Variants in FILIP1 observed in about 807,000 individuals in gnomAD.
FILIP1 encodes filamin A interacting protein 1.
In FILIP1, 61 loss-of-function variants were observed where a neutral mutation model predicts 102.1. The ratio of observed to expected loss-of-function variants is 0.60; its 90% confidence interval spans 0.49 to 0.74. The LOEUF (loss-of-function observed/expected upper bound fraction) is 0.74. Ranked by LOEUF, FILIP1 falls within the 30% of genes least tolerant of loss-of-function variation. The probability of loss-of-function intolerance (pLI) is 0.00; values close to 1 mark genes in which losing one functional copy is unlikely to be tolerated. For missense variants in FILIP1, 1,314 were observed against 1,441.2 expected, an observed-to-expected ratio of 0.91 and a Z score of 1.43; for synonymous variants, 491 against 526.9, an observed-to-expected ratio of 0.93 and a Z score of 0.93.
downstream of FILIP1, among the ~76,000 whole-genome samples, chr6:75,305,700 T>A (rs1339271246): frequency 6.6e-6 from 1 of 152,154 alleles, no homozygotes; most frequent in Non-Finnish European, 1.5e-5. Context: ...GCTGAAATAG[T>A]CAGCACATTA....
At chr6:75,297,918 C>T (rs932094128) in intron 6 of FILIP1, among the ~76,000 whole-genome samples, 5 of 152,184 alleles carry the variant, frequency 3.3e-5, no homozygotes, top group African/African-American at 1.2e-4. Flanking sequence ...TATTAGAGAG[C>T]ATCTCAAAAA....
At chr6:75,393,467 T>C (rs1776352976) in intron 2 of FILIP1, among the ~76,000 whole-genome samples, 1 of 152,154 alleles carries the variant, frequency 6.6e-6, no homozygotes. Flanking sequence ...AAAGAATATT[T>C]GGGAAAATTC....
chr6:75,299,122 A>G (rs1008837875), intron 6 of FILIP1, among the ~76,000 whole-genome samples: 4 of 152,082 alleles, frequency 2.6e-5, no homozygotes, highest in African/African-American at 4.8e-5. Context: ...CTTTTTGTAT[A>G]TAGTACAATA....
In FILIP1 at chr6:75,314,752, T is replaced by C; in HGVS notation, c.1080A>G (p.Gln360=). 1 of 1,614,204 alleles carries C rather than the reference T, an allele frequency of 6.2e-7. No homozygotes were observed. The highest frequency in any genetic ancestry group is 8.5e-7 in the Non-Finnish European group (1 of 1,180,020). The stretch of plus-strand genomic sequence containing the variant: ...CTTTGGCAATTTTATCTCTTAATTC[T>C]TGAAGTTCTTCCTCTGCCTTCTGCA... ...KNLQKAEEEL[Q]ELRDKIAKGE... is the part of the protein sequence containing the mutation. The change falls in exon 5 of 6, where the codon CAA becomes CAG. Residue 360 remains glutamine (Q), a synonymous_variant. Coordinates refer to ENST00000237172, the MANE Select transcript of FILIP1 (RefSeq NM_015687.5).
intron 5 of FILIP1, among the ~76,000 whole-genome samples, chr6:75,309,832 C>G (rs920407504): frequency 3.9e-5 from 6 of 152,150 alleles, no homozygotes; most frequent in Admixed American, 6.5e-5. Flanking sequence ...TATCTCTGTC[C>G]TCATTTTCAC....
intron 1 of FILIP1, among the ~76,000 whole-genome samples, chr6:75,419,168 A>T (rs1044437764): frequency 6.6e-6 from 1 of 152,208 alleles, no homozygotes; most frequent in African/African-American, 2.4e-5. Context: ...GTCTACAGAA[A>T]TTCTAGTTCC....
chr6:75,378,993 T>A (rs1775822335), intron 2 of FILIP1, among the ~76,000 whole-genome samples: 1 of 152,318 alleles, frequency 6.6e-6, no homozygotes, highest in East Asian at 1.9e-4. Flanking sequence ...GATTCAGGAA[T>A]TGAATTCTAT....
chr6:75,314,675 C>A lies in FILIP1; in HGVS notation c.1157G>T (p.Arg386Leu). ...LMAEVENLRK[R>L]VLEMEGKDEE... ...ATCTTTACCTTCCATTTCAAGCACACGCTTTCGAAGATTTTCCACTTCTGC... is the reference window on the plus strand; with the variant it reads ...ATCTTTACCTTCCATTTCAAGCACAAGCTTTCGAAGATTTTCCACTTCTGC... Residue 386 changes from arginine (R) to leucine (L), a missense_variant, in exon 5 of 6, where the codon CGT becomes CTT. This residue lies in a region of FILIP1 where 494 missense variants were observed against 511.2 expected (regional missense o/e 0.97). Transcript: ENST00000237172. 6.2e-7 allele frequency: 1 copy of A among 1,613,734 alleles called. No homozygotes were observed.
At position 75,414,820 on chromosome 6, in the gene FILIP1, G is replaced by T. The variant is rs1350125379; in HGVS notation, c.153C>A (p.Ala51=). The T allele has an allele frequency of 6.2e-7, 1 of 1,613,838 alleles. No homozygotes were observed. Among genetic ancestry groups the T allele is most frequent in the Non-Finnish European group, 8.5e-7 (1 of 1,179,880 alleles). Residue 51 remains alanine, a synonymous_variant, in exon 2 of 6, where the codon GCC becomes GCA. Coordinates refer to ENST00000237172, the MANE Select transcript of FILIP1 (RefSeq NM_015687.5). ...KSNRKEDDVM[A]SGTVKRHLKT... is the part of the protein sequence containing the mutation. ...TTAGGTGTCGTTTGACAGTTCCTGA[G>T]GCCATGACATCATCCTCCTTCCTAT...
At chr6:75,298,156 A>G (rs1252252143) in intron 6 of FILIP1, among the ~76,000 whole-genome samples, 1 of 152,192 alleles carries the variant, frequency 6.6e-6, no homozygotes, top group Non-Finnish European at 1.5e-5. Context: ...TCATAGTAAT[A>G]AGGGTCCGTA....
At chr6:75,449,793 G>A (rs1778560982) in intron 1 of FILIP1, among the ~76,000 whole-genome samples, 2 of 152,176 alleles carry the variant, frequency 1.3e-5, no homozygotes, top group South Asian at 4.1e-4. Flanking sequence ...TAAAGTATGA[G>A]TGTTTATGAC....
At chr6:75,454,722 A>G (rs1396004550) in intron 1 of FILIP1, among the ~76,000 whole-genome samples, 1 of 152,226 alleles carries the variant, frequency 6.6e-6, no homozygotes, top group East Asian at 1.9e-4. Context: ...AATCTGGAAC[A>G]TATTGACAAT....
intron 3 of FILIP1, among the ~76,000 whole-genome samples, chr6:75,357,581 T>C (rs1282696266): frequency 1.3e-5 from 2 of 152,260 alleles, no homozygotes; most frequent in African/African-American, 4.8e-5. Context: ...CATAAGTTAC[T>C]GAGGCATTGG....
chr6:75,314,589 C>G lies in FILIP1; in HGVS notation c.1243G>C (p.Glu415Gln). 1 of 1,613,904 alleles carries G rather than the reference C, an allele frequency of 6.2e-7. No homozygotes were observed. The highest frequency in any genetic ancestry group is 8.5e-7 in the Non-Finnish European group (1 of 1,179,984). The change falls in exon 5 of 6, where the codon GAA becomes CAA. Residue 415 changes from glutamate to glutamine, a missense_variant. Physicochemically the swap from Glu to Gln is conservative, Grantham distance 29. Coordinates refer to ENST00000237172, the MANE Select transcript of FILIP1 (RefSeq NM_015687.5). ...RELRKKLQEE[E>Q]HHSKELRLEV... ...AGTCTGAGCTCCTTACTATGGTGTT[C>G]TTCCTCTTGCAGCTTCTTCCTCAAT...
At chr6:75,416,129 T>C (rs1336981715) in intron 1 of FILIP1, among the ~76,000 whole-genome samples, 3 of 152,178 alleles carry the variant, frequency 2.0e-5, no homozygotes, top group Non-Finnish European at 4.4e-5. Context: ...GACTTTGTTA[T>C]ATGAAAGTAA....
intron 1 of FILIP1, among the ~76,000 whole-genome samples, chr6:75,469,924 A>G (rs867105782): frequency 1.3e-5 from 2 of 152,018 alleles, no homozygotes. Flanking sequence ...AACAAAAAGA[A>G]ACTTCCTTAA....
intron 1 of FILIP1, among the ~76,000 whole-genome samples, chr6:75,432,585 T>A (rs542652139): frequency 1.3e-5 from 2 of 152,320 alleles, no homozygotes; most frequent in African/African-American, 4.8e-5. Context: ...CAAAGCCAAT[T>A]CTGCAAAATG....
At position 75,346,268 on chromosome 6, in the gene FILIP1, A is replaced by G. The variant is rs77478432; in HGVS notation, c.629+7271T>C. Among the ~76,000 whole-genome samples the G allele has an allele frequency of 7.1e-3, 1,076 of 152,338 alleles. 36 individuals are homozygous for G. In the East Asian group the frequency reaches 0.11, roughly 15 times the overall value. ...GTAAAAGTAAATTAATTCATGGCATAACCCTTGATTAATTAGAAATTTCTG... is the reference window on the plus strand; with the variant it reads ...GTAAAAGTAAATTAATTCATGGCATGACCCTTGATTAATTAGAAATTTCTG... On this transcript the variant is annotated intron_variant, in intron 4 of 5. Transcript: ENST00000237172.
At chr6:75,409,159 C>G (rs2149681289) in intron 2 of FILIP1, among the ~76,000 whole-genome samples, 1 of 152,310 alleles carries the variant, frequency 6.6e-6, no homozygotes, top group Non-Finnish European at 1.5e-5. Context: ...TGGAGCCCAA[C>G]TTCCCTTGAA....
Sources: gnomAD v4.1 joint callset for allele counts (sites outside exome capture counted in the v4.1 genomes callset) on GRCh38, gnomAD v4.1.1 for gene constraint, gnomAD v4.1.1 regional missense constraint, MANE v1.5 for transcripts, NCBI Gene and HGNC (gene_info 2026-07-23, HGNC 2026-07-21) for gene names.